Variants in ANK2 observed in about 807,000 individuals in gnomAD.
The protein encoded by ANK2 is ankyrin 2, also known as ankyrin-2.
A neutral mutation model predicts 360.5 loss-of-function variants in ANK2; 83 were observed. The observed-to-expected ratio is 0.23, with a 90% CI of 0.19 to 0.28. The LOEUF is 0.28. Among genes scored for constraint, ANK2 ranks in the 10% least tolerant of loss-of-function variants. The pLI is 1.00. For synonymous variants in ANK2, 1,740 were observed against 1,759.5 expected (o/e 0.99, Z 0.28); for missense variants, 4,201 against 4,795.7 (o/e 0.88, Z 3.66).
intron 2 of ANK2, among the ~76,000 whole-genome samples, chr4:113,006,696 G>A (rs2052996296): frequency 6.6e-6 from 1 of 152,138 alleles, no homozygotes; most frequent in Non-Finnish European, 1.5e-5. Flanking sequence ...ATTTGTAACT[G>A]GGTTAATGTA....
At chr4:113,292,558 C>T in intron 21 of ANK2, 44 bp downstream of exon 21, 6 of 1,515,326 alleles carry the variant, frequency 4.0e-6, no homozygotes, top group East Asian at 2.4e-5. Context: ...TCTTCTTTTT[C>T]CTCTCTTGCC....
intron 11 of ANK2, among the ~76,000 whole-genome samples, chr4:113,256,209 A>C (rs1203088455): frequency 6.6e-6 from 1 of 152,264 alleles, no homozygotes; most frequent in African/African-American, 2.4e-5. Flanking sequence ...AGTGATAAGC[A>C]GTTTTAAATG....
chr4:113,100,995 A>G (rs28686833), intron 1 of ANK2, among the ~76,000 whole-genome samples: 14 of 152,096 alleles, frequency 9.2e-5, no homozygotes, highest in African/African-American at 3.1e-4. Flanking sequence ...TGATGAATAG[A>G]TGAAGCACAG....
the ANK2 span, among the ~76,000 whole-genome samples, chr4:112,709,057 C>T: frequency 6.6e-6 from 1 of 152,144 alleles, no homozygotes; most frequent in African/African-American, 2.4e-5. Flanking sequence ...GAAAAATGAC[C>T]TTTAAGTTCA....
chr4:112,851,341 C>T (rs1281232903), intron 1 of ANK2, among the ~76,000 whole-genome samples: 2 of 152,146 alleles, frequency 1.3e-5, no homozygotes, highest in Non-Finnish European at 2.9e-5. Flanking sequence ...GTCAACCTCA[C>T]GTGGGGAGGG....
chr4:112,803,643 A>C, the ANK2 span, among the ~76,000 whole-genome samples: 2 of 152,194 alleles, frequency 1.3e-5, no homozygotes. Context: ...GAATTGTGAG[A>C]GAATAAATAT....
At chr4:112,997,003 T>C (rs1226013049) in intron 2 of ANK2, among the ~76,000 whole-genome samples, 1 of 152,160 alleles carries the variant, frequency 6.6e-6, no homozygotes, top group Non-Finnish European at 1.5e-5. Flanking sequence ...TCACTCTCTG[T>C]CTAGTATATC....
chr4:113,146,528 T>G (rs1242255831), intron 1 of ANK2, among the ~76,000 whole-genome samples: 1 of 152,208 alleles, frequency 6.6e-6, no homozygotes, highest in African/African-American at 2.4e-5. Context: ...ATGATAGTAA[T>G]AGTTTGTAAA....
intron 2 of ANK2, among the ~76,000 whole-genome samples, chr4:112,936,687 G>A (rs1187056553): frequency 6.6e-6 from 1 of 152,132 alleles, no homozygotes; most frequent in Admixed American, 6.5e-5. Flanking sequence ...GCAAACTTAT[G>A]AGGTACTATT....
At chr4:113,232,954 G>A (rs955046381) in intron 5 of ANK2, among the ~76,000 whole-genome samples, 2 of 151,966 alleles carry the variant, frequency 1.3e-5, no homozygotes, top group African/African-American at 4.8e-5. Flanking sequence ...ACTGTCTGGG[G>A]CAGTGATTTC....
At chr4:113,193,713 C>T (rs1448885825) in intron 2 of ANK2, among the ~76,000 whole-genome samples, 1 of 152,110 alleles carries the variant, frequency 6.6e-6, no homozygotes, top group Non-Finnish European at 1.5e-5. Context: ...CACTGAAGTC[C>T]ATTCAGAGTG....
the ANK2 span, among the ~76,000 whole-genome samples, chr4:112,744,689 G>T: frequency 6.6e-6 from 1 of 152,162 alleles, no homozygotes; most frequent in Non-Finnish European, 1.5e-5. Flanking sequence ...GATCATACTA[G>T]AGCATCTTGA....
chr4:113,250,940 G>A (rs1165465966), intron 10 of ANK2, among the ~76,000 whole-genome samples: 1 of 152,158 alleles, frequency 6.6e-6, no homozygotes, highest in Non-Finnish European at 1.5e-5. Context: ...GTGCCCACAT[G>A]CCATAAAAGA....
intron 2 of ANK2, among the ~76,000 whole-genome samples, chr4:112,985,256 A>C (rs953497845): frequency 6.6e-6 from 1 of 152,210 alleles, no homozygotes; most frequent in Non-Finnish European, 1.5e-5. Context: ...TGAGTGTGTC[A>C]GCAAACTTGT....
chr4:112,996,298 G>A (rs2048484651), intron 2 of ANK2, among the ~76,000 whole-genome samples: 1 of 152,120 alleles, frequency 6.6e-6, no homozygotes, highest in Non-Finnish European at 1.5e-5. Context: ...CTACAAACGA[G>A]CATGGGGAAA....
In ANK2 at chr4:112,821,006, G is replaced by A. The variant is rs1046764590; in HGVS notation, c.-40+2742G>A. 2.0e-5 allele frequency among the ~76,000 whole-genome samples: 3 copies of A among 152,294 alleles called. No homozygotes were observed. The East Asian group carries it at 5.8e-4, about 29-fold the overall frequency. On this transcript the variant is annotated intron_variant, in intron 1 of 30. Coordinates refer to the ANK2 transcript ENST00000503271. ...GGCTCACCGCAACCTCCGCTTCCCG[G>A]GTTCAAGCGATTCTCCTGCCTCAGC... is the stretch of plus-strand genomic sequence containing the variant.
At chr4:113,051,419 T>C (rs1056947932) in intron 1 of ANK2, among the ~76,000 whole-genome samples, 4 of 152,096 alleles carry the variant, frequency 2.6e-5, no homozygotes, top group African/African-American at 9.7e-5. Context: ...TTTGAGGAGG[T>C]AGAGACAACG....
the ANK2 span, among the ~76,000 whole-genome samples, chr4:112,717,918 T>TTGGA: frequency 6.6e-6 from 1 of 152,204 alleles, no homozygotes; most frequent in Admixed American, 6.5e-5. Context: ...TGATAAAAAC[T>TTGGA]TGGATGATTA....
intron 2 of ANK2, among the ~76,000 whole-genome samples, chr4:113,039,768 C>A (rs1477110267): frequency 6.6e-6 from 1 of 151,936 alleles, no homozygotes; most frequent in Non-Finnish European, 1.5e-5. Flanking sequence ...GAGGTAGGAG[C>A]TGGATACAAT....
Sources: gnomAD v4.1 joint callset for allele counts (sites outside exome capture counted in the v4.1 genomes callset) on GRCh38, gnomAD v4.1.1 for gene constraint, MANE v1.5 for transcripts, NCBI Gene and HGNC (gene_info 2026-07-23, HGNC 2026-07-21) for gene names.